Variants in PTPRS observed in about 807,000 individuals in gnomAD.
PTPRS encodes the protein receptor-type tyrosine-protein phosphatase S.
In PTPRS, 63 loss-of-function variants were observed where a neutral mutation model predicts 215.3. The observed-to-expected ratio is 0.29, with a 90% CI of 0.24 to 0.36. The LOEUF (loss-of-function observed/expected upper bound fraction) is 0.36. Ranked by LOEUF, PTPRS falls within the 10% of genes least tolerant of loss-of-function variation. The pLI, the probability that PTPRS is intolerant of heterozygous loss-of-function variation, is 1.00. For synonymous variants in PTPRS, 1,404 were observed against 1,191.4 expected (o/e 1.18, Z -3.68); for missense variants, 2,258 against 2,825.8 (o/e 0.80, Z 4.56).
chr19:5,282,797 CAA>C (rs553419452), intron 2 of PTPRS, among the ~76,000 whole-genome samples: 21 of 114,064 alleles, frequency 1.8e-4, no homozygotes, highest in Admixed American at 3.8e-4. Flanking sequence ...GACTTCATCT[CAA>C]AAAAAAAAAA....
At chr19:5,312,041 CAA>C (rs577071088) in intron 1 of PTPRS, among the ~76,000 whole-genome samples, 11 of 115,982 alleles carry the variant, frequency 9.5e-5, no homozygotes, top group Admixed American at 9.3e-5. Context: ...GACTCCGTCT[CAA>C]AAAAAAAAAA....
At chr19:5,318,337 CAA>C (rs146792031) in intron 1 of PTPRS, among the ~76,000 whole-genome samples, 15 of 117,312 alleles carry the variant, frequency 1.3e-4, no homozygotes, top group Admixed American at 2.7e-4. Context: ...GAGACTGTCT[CAA>C]AAAAAAAAAA....
intron 16 of PTPRS, among the ~76,000 whole-genome samples, chr19:5,228,347 G>GAAAAAAAAAAAAAA (rs71170899): frequency 1.4e-4 from 15 of 105,884 alleles, no homozygotes; most frequent in African/African-American, 6.4e-4. Flanking sequence ...TCCGTCTGGA[G>GAAAAAAAAAAAAAA]AAAAAAAAAA....
chr19:5,317,808 G>A (rs926868984), intron 1 of PTPRS, among the ~76,000 whole-genome samples: 1 of 152,120 alleles, frequency 6.6e-6, no homozygotes, highest in Non-Finnish European at 1.5e-5. Flanking sequence ...GGCTGAGACA[G>A]GTGGATCACC....
chr19:5,238,902 C>G lies in PTPRS; in HGVS notation c.1849+17G>C, dbSNP rs750768252. Reference sequence around the variant, plus strand: ...TGGTCCCTCCCGCAGAGAAGGGCGGCCCCGCGAGACACCTACTGGACTGCA... The same window carrying G: ...TGGTCCCTCCCGCAGAGAAGGGCGGGCCCGCGAGACACCTACTGGACTGCA... On this transcript the variant is annotated intron_variant, in intron 13 of 37. Coordinates refer to ENST00000262963, the MANE Select transcript of PTPRS (RefSeq NM_002850.4). 6.4e-7 allele frequency: 1 copy of G among 1,572,046 alleles called. No individual in the cohort carries two copies. The highest frequency in any genetic ancestry group is 1.4e-5 in the African/African-American group (1 of 71,824).
At chr19:5,335,622 C>G (rs1421788115) in intron 1 of PTPRS, among the ~76,000 whole-genome samples, 1 of 152,078 alleles carries the variant, frequency 6.6e-6, no homozygotes, top group Non-Finnish European at 1.5e-5. Flanking sequence ...TGGCAAAGAT[C>G]AAAAACAACT....
At chr19:5,279,559 C>A (rs934373761) in intron 2 of PTPRS, among the ~76,000 whole-genome samples, 1 of 152,022 alleles carries the variant, frequency 6.6e-6, no homozygotes, top group African/African-American at 2.4e-5. Context: ...TTTGCAGAGA[C>A]AGGGTCTCGC....
At chr19:5,258,347 C>T (rs1428545885) in intron 7 of PTPRS, among the ~76,000 whole-genome samples, 1 of 152,212 alleles carries the variant, frequency 6.6e-6, no homozygotes, top group East Asian at 1.9e-4. Context: ...ACCAGATTCC[C>T]CAGCAAATTC....
chr19:5,314,917 A>G (rs1600105204), intron 1 of PTPRS, among the ~76,000 whole-genome samples: 1 of 152,244 alleles, frequency 6.6e-6, no homozygotes, highest in East Asian at 1.9e-4. Context: ...CAACACCCAC[A>G]TGGCGTCATT....
chr19:5,239,129 G>A (rs1599609847), intron 12 of PTPRS, 66 bp from the exon 13 acceptor site: 1 of 1,174,710 alleles, frequency 8.5e-7, no homozygotes, highest in Non-Finnish European at 1.2e-6. Flanking sequence ...GAAACAAAGG[G>A]GAGAGAGAGA....
At chr19:5,240,778 G>A (rs2043966793) in intron 11 of PTPRS, among the ~76,000 whole-genome samples, 1 of 151,348 alleles carries the variant, frequency 6.6e-6, no homozygotes, top group South Asian at 2.1e-4. Context: ...GGCGGAGCTT[G>A]CAGTCAGCGG....
In PTPRS at chr19:5,215,406, C is replaced by T. The variant is rs374920205; in HGVS notation, c.4201G>A (p.Asp1401Asn). 6.3e-5 allele frequency: 101 copies of T among 1,613,150 alleles called. No individual in the cohort carries two copies. Among genetic ancestry groups the T allele is most frequent in the Non-Finnish European group, 7.9e-5 (93 of 1,179,880 alleles). Residue 1401 changes from aspartate to asparagine, a missense_variant, in exon 28 of 38, where the codon GAC (aspartate) becomes AAC (asparagine). Coordinates refer to ENST00000262963, the MANE Select transcript of PTPRS (RefSeq NM_002850.4). ...LKLSQEYESI[D>N]PGQQFTWEHS... ...TCCCATGTGAACTGCTGTCCAGGGT[C>T]GATGGACTACAGAGGAAGGGGAGAG...
chr19:5,266,183 CG>C (rs1361320563), intron 4 of PTPRS, among the ~76,000 whole-genome samples: 1 of 151,914 alleles, frequency 6.6e-6, no homozygotes, highest in Non-Finnish European at 1.5e-5. Flanking sequence ...CACTTGAACC[CG>C]GGAGACGGAG....
chr19:5,252,622 G>C (rs1403319026), intron 9 of PTPRS, among the ~76,000 whole-genome samples: 2 of 143,256 alleles, frequency 1.4e-5, no homozygotes, highest in East Asian at 2.1e-4. Flanking sequence ...GCTCACACCT[G>C]TAATCCCAGC....
At chr19:5,290,828 C>T (rs1006225277) in intron 1 of PTPRS, among the ~76,000 whole-genome samples, 1 of 151,966 alleles carries the variant, frequency 6.6e-6, no homozygotes, top group Non-Finnish European at 1.5e-5. Context: ...ACAGCTCTCC[C>T]GTGCCACCGC....
intron 30 of PTPRS, among the ~76,000 whole-genome samples, chr19:5,213,120 A>G (rs1051441672): frequency 1.3e-5 from 2 of 152,154 alleles, no homozygotes; most frequent in African/African-American, 4.8e-5. Flanking sequence ...CTCTGCCTTC[A>G]AAGTCTATCC....
At chr19:5,253,395 G>A (rs2045304400) in intron 9 of PTPRS, among the ~76,000 whole-genome samples, 1 of 152,188 alleles carries the variant, frequency 6.6e-6, no homozygotes, top group Non-Finnish European at 1.5e-5. Flanking sequence ...TAATTCCTGT[G>A]ACTGGCTGCT....
chr19:5,246,155 G>A, intron 9 of PTPRS, 110 bp from the exon 10 acceptor site: 5 of 532,588 alleles, frequency 9.4e-6, no homozygotes, highest in South Asian at 1.8e-4. Context: ...CAGGAAGGAA[G>A]AAAGAAAGAA....
chr19:5,266,190 C>T (rs1433117513), intron 4 of PTPRS, among the ~76,000 whole-genome samples: 2 of 151,912 alleles, frequency 1.3e-5, no homozygotes, highest in Non-Finnish European at 1.5e-5. Flanking sequence ...ACCCGGGAGA[C>T]GGAGGTTGTG....
Sources: gnomAD v4.1 joint callset for allele counts (sites outside exome capture counted in the v4.1 genomes callset) on GRCh38, gnomAD v4.1.1 for gene constraint, MANE v1.5 for transcripts, NCBI Gene and HGNC (gene_info 2026-07-23, HGNC 2026-07-21) for gene names.